The following CARMIL1 variants were observed in gnomAD, a reference collection of about 807,000 sequenced individuals.
CARMIL1 encodes the protein capping protein regulator and myosin 1 linker 1, also known as F-actin-uncapping protein LRRC16A.
In CARMIL1, 90 loss-of-function variants were observed where a neutral mutation model predicts 177.1. That is an observed-to-expected ratio of 0.51 (90% CI 0.43 to 0.61). The LOEUF (loss-of-function observed/expected upper bound fraction) is 0.61, where lower values mean the gene tolerates loss of function less well. Among genes scored for constraint, CARMIL1 ranks in the 20% least tolerant of loss-of-function variants. The probability of loss-of-function intolerance (pLI) is 0.00; values close to 1 mark genes in which losing one functional copy is unlikely to be tolerated. For synonymous variants in CARMIL1, 577 were observed against 606.2 expected (o/e 0.95, Z 0.71); for missense variants, 1,380 against 1,667.0 (o/e 0.83, Z 3.00).
rs548660502 is a variant in CARMIL1, at chr6:25,584,030, T to C, written c.3006+2591T>C. On this transcript the variant is annotated intron_variant, in intron 31 of 36. Coordinates refer to ENST00000329474, the MANE Select transcript of CARMIL1 (RefSeq NM_017640.6). ...TTTATCTTTTCTTTTCTTTTTCTTT[T>C]TTTTTTTTTTTTTTTGAGACAGGTT... Among the ~76,000 whole-genome samples, 850 of 139,684 alleles carry C rather than the reference T, an allele frequency of 6.1e-3. 3 individuals carry two copies. The highest frequency in any genetic ancestry group is 0.023 in the African/African-American group (805 of 34,886). 91.6% of individuals were successfully genotyped at this position (139,684 alleles called of 152,430 possible). A position where few individuals can be genotyped will look rare whatever the true frequency, so the allele number is the denominator to read the frequency against.
rs1010332988 is a variant in CARMIL1, at chr6:25,368,339, C to T, written c.139-51775C>T. ...TGAATTACTTAAACCACACTTTTTC[C>T]GTTTCTTAAAATGATTTCCATTTCC... On this transcript the variant is annotated intron_variant, in intron 2 of 36. Transcript: ENST00000329474. Among the ~76,000 whole-genome samples the T allele has an allele frequency of 3.9e-5, 6 of 152,118 alleles. No individual in the cohort carries two copies. The South Asian group carries it at 1.0e-3, about 26-fold the overall frequency.
chr6:25,343,051 A>G (rs1787107603), intron 2 of CARMIL1, among the ~76,000 whole-genome samples: 2 of 152,282 alleles, frequency 1.3e-5, no homozygotes, highest in South Asian at 2.1e-4. Context: ...TCTTGTTCTG[A>G]TGTTTTTTAA....
rs760723564 is a variant in CARMIL1, at chr6:25,594,440, A to G, written c.3032A>G (p.Gln1011Arg). 9 of 1,612,846 alleles carry G rather than the reference A, an allele frequency of 5.6e-6. No homozygotes were observed. In the African/African-American group the frequency reaches 1.2e-4, roughly 22 times the overall value. Residue 1011 changes from glutamine (Q) to arginine (R), a missense_variant, in exon 32 of 37, where the codon CAA becomes CGA. Transcript: ENST00000329474. Reference protein sequence around the residue: ...AAVCAANIVSQDGEQNGLMGR... With the variant: ...AAVCAANIVSRDGEQNGLMGR... ...GTCTGTGCTGCCAACATAGTCTCAC[A>G]AGATGGTGAACAGAATGGTCTCATG...
intron 2 of CARMIL1, among the ~76,000 whole-genome samples, chr6:25,354,337 T>A (rs1179671958): frequency 7.0e-5 from 7 of 100,162 alleles, no homozygotes; most frequent in Non-Finnish European, 1.4e-4. Flanking sequence ...TAAATTTTTT[T>A]TTTTTTTTTT....
In CARMIL1 at chr6:25,452,427, C is replaced by T. The variant is rs894473084; in HGVS notation, c.614+1716C>T. The T allele has an allele frequency of 7.2e-5, 40 of 552,268 alleles. No individual in the cohort carries two copies. In the South Asian group the frequency reaches 9.3e-4, roughly 13 times the overall value. 34.2% of individuals were successfully genotyped at this position (552,268 alleles called of 1,614,324 possible). ...TGGAATAAGATAGAAGTTTACAGTCCTCCAGTGTTTGGTCTCAGCGTTTTT... is the reference window on the plus strand; with the variant it reads ...TGGAATAAGATAGAAGTTTACAGTCTTCCAGTGTTTGGTCTCAGCGTTTTT... On this transcript the variant is annotated intron_variant, in intron 8 of 36. Coordinates refer to ENST00000329474, the MANE Select transcript of CARMIL1 (RefSeq NM_017640.6).
chr6:25,318,501 T>C (rs1784440245), intron 2 of CARMIL1, among the ~76,000 whole-genome samples: 1 of 152,190 alleles, frequency 6.6e-6, no homozygotes, highest in African/African-American at 2.4e-5. Context: ...TGATCTGAGC[T>C]CTTTGTCATC....
chr6:25,607,162 CCAAA>C (rs201848794), intron 35 of CARMIL1, among the ~76,000 whole-genome samples: 1,884 of 150,874 alleles, frequency 0.012, 31 homozygotes, highest in African/African-American at 0.042. Flanking sequence ...AAAAAACCAA[CCAAA>C]CAAACAAAAA....
chr6:25,324,680 G>A (rs888301771), intron 2 of CARMIL1, among the ~76,000 whole-genome samples: 3 of 152,152 alleles, frequency 2.0e-5, no homozygotes, highest in Non-Finnish European at 4.4e-5. Flanking sequence ...TAAGCTTTGG[G>A]GAGATGGAAA....
At chr6:25,327,117 A>C (rs1785189044) in intron 2 of CARMIL1, among the ~76,000 whole-genome samples, 1 of 151,854 alleles carries the variant, frequency 6.6e-6, no homozygotes, top group African/African-American at 2.4e-5. Flanking sequence ...GGGACTTGCC[A>C]GTGTACAGGG....
chr6:25,279,989 G>A (rs1022956349), intron 1 of CARMIL1, among the ~76,000 whole-genome samples, 154 bp downstream of exon 1: 1 of 152,162 alleles, frequency 6.6e-6, no homozygotes, highest in African/African-American at 2.4e-5. Flanking sequence ...GTGCCGGGAA[G>A]TTTGTTCCCA....
Position 25,340,971 on chromosome 6 carries a change from T to G in CARMIL1, c.138+56062T>G, listed in dbSNP as rs556061499. Among the ~76,000 whole-genome samples the G allele has an allele frequency of 2.6e-3, 391 of 152,062 alleles. 2 individuals carry two copies. The highest frequency in any genetic ancestry group is 8.2e-3 in the African/African-American group (339 of 41,470). ...GTGTCACAATGTGGCAGTTTTCTAA[T>G]GAACTTAGGTCTTAAAAGGAAGCAC... is the stretch of plus-strand genomic sequence containing the variant. On this transcript the variant is annotated intron_variant, in intron 2 of 36. Transcript: ENST00000329474.
At chr6:25,552,818 C>T (rs183535085) in intron 27 of CARMIL1, among the ~76,000 whole-genome samples, 4 of 152,206 alleles carry the variant, frequency 2.6e-5, no homozygotes, top group African/African-American at 7.2e-5. Context: ...AATTTCTAAA[C>T]ATGCCTAAAA....
At chr6:25,542,856 G>GA (rs1809058748) in intron 26 of CARMIL1, among the ~76,000 whole-genome samples, 1 of 151,902 alleles carries the variant, frequency 6.6e-6, no homozygotes, top group African/African-American at 2.4e-5. Context: ...ATTATGTAGG[G>GA]AAAATGTATT....
chr6:25,559,380 A>AT (rs1219017551), intron 29 of CARMIL1, among the ~76,000 whole-genome samples: 1 of 152,210 alleles, frequency 6.6e-6, no homozygotes, highest in African/African-American at 2.4e-5. Flanking sequence ...TTAATTCGTG[A>AT]TGGTTTTCTA....
intron 2 of CARMIL1, among the ~76,000 whole-genome samples, chr6:25,399,478 A>G (rs1286769484): frequency 6.6e-6 from 1 of 152,244 alleles, no homozygotes; most frequent in Admixed American, 6.5e-5. Context: ...ATTTCAGGGA[A>G]TGGTTGCAAA....
At chr6:25,517,657 T>C (rs767311263) in intron 22 of CARMIL1, among the ~76,000 whole-genome samples, 4 of 152,166 alleles carry the variant, frequency 2.6e-5, no homozygotes, top group Non-Finnish European at 4.4e-5. Flanking sequence ...CACACTGTCG[T>C]GAGAATTAAA....
At chr6:25,447,618 C>T (rs996093123) in intron 5 of CARMIL1, among the ~76,000 whole-genome samples, 2 of 152,080 alleles carry the variant, frequency 1.3e-5, no homozygotes, top group South Asian at 4.2e-4. Flanking sequence ...CACCCTTCCT[C>T]ACAGCTCATG....
intron 2 of CARMIL1, among the ~76,000 whole-genome samples, chr6:25,303,018 A>G (rs1480236639): frequency 1.3e-5 from 2 of 152,026 alleles, no homozygotes; most frequent in African/African-American, 2.4e-5. Flanking sequence ...TCTGCACGTC[A>G]TTTTAGAGAG....
intron 5 of CARMIL1, among the ~76,000 whole-genome samples, chr6:25,436,943 C>T (rs1797281591): frequency 6.6e-6 from 1 of 152,134 alleles, no homozygotes; most frequent in Admixed American, 6.5e-5. Context: ...TCTAATCACA[C>T]ACACAGGCGG....
Sources: gnomAD v4.1 joint callset for allele counts (sites outside exome capture counted in the v4.1 genomes callset) on GRCh38, gnomAD v4.1.1 for gene constraint, MANE v1.5 for transcripts, NCBI Gene and HGNC (gene_info 2026-07-23, HGNC 2026-07-21) for gene names.